Variants in QRICH2 observed in about 807,000 individuals in gnomAD.
The protein encoded by QRICH2 is glutamine rich 2.
A neutral mutation model predicts 168.3 loss-of-function variants in QRICH2; 119 were observed. The ratio of observed to expected loss-of-function variants is 0.71; its 90% confidence interval spans 0.61 to 0.82. The LOEUF is 0.82. QRICH2 is among the 40% of genes least tolerant of loss of function. The probability of loss-of-function intolerance (pLI) is 0.00; values close to 1 mark genes in which losing one functional copy is unlikely to be tolerated. For missense variants in QRICH2, 2,241 were observed against 2,491.6 expected (o/e 0.90, Z 2.14); for synonymous variants, 894 against 951.2 (o/e 0.94, Z 1.11).
chr17:76,298,669 T>A (rs955373053), intron 3 of QRICH2, among the ~76,000 whole-genome samples: 1 of 150,866 alleles, frequency 6.6e-6, no homozygotes, highest in African/African-American at 2.4e-5. Flanking sequence ...AGGCTGGAGT[T>A]CAGTGGCGCG....
intron 7 of QRICH2, among the ~76,000 whole-genome samples, chr17:76,286,915 G>A (rs2070895091): frequency 6.6e-6 from 1 of 151,634 alleles, no homozygotes; most frequent in Admixed American, 6.6e-5. Flanking sequence ...GATCGAATGG[G>A]AGGTAAACAG....
chr17:76,293,479 G>A lies in QRICH2; in HGVS notation c.1248C>T (p.Ser416=), dbSNP rs937883035. 32 of 1,614,212 alleles carry A rather than the reference G, an allele frequency of 2.0e-5. No homozygotes were observed. The highest frequency in any genetic ancestry group is 8.9e-5 in the East Asian group (4 of 44,878). ...STYPHGVVPL[S]MGQLGVPPPE... is the part of the protein sequence containing the mutation. Reference sequence around the variant, plus strand: ...GTGGTGGCACACCAAGCTGACCCATGCTGAGGGGTACCACACCATGTGGGT... The same window carrying A: ...GTGGTGGCACACCAAGCTGACCCATACTGAGGGGTACCACACCATGTGGGT... Residue 416 remains serine, a synonymous_variant, in exon 4 of 19, where the codon AGC becomes AGT. Transcript: ENST00000680821.
chr17:76,294,053 A>C, intron 3 of QRICH2, 32 bp from the exon 4 acceptor site: 1 of 1,558,256 alleles, frequency 6.4e-7, no homozygotes, highest in Non-Finnish European at 8.7e-7. Flanking sequence ...AATCAATAAC[A>C]GTCAAAATAT....
chr17:76,299,890 C>T (rs1415089381), intron 3 of QRICH2, among the ~76,000 whole-genome samples: 8 of 151,182 alleles, frequency 5.3e-5, no homozygotes, highest in African/African-American at 1.9e-4. Flanking sequence ...TGCAGTGATG[C>T]GATCTCGGCT....
chr17:76,282,463 G>T (rs1443398382), intron 7 of QRICH2, among the ~76,000 whole-genome samples: 1 of 152,192 alleles, frequency 6.6e-6, no homozygotes, highest in Non-Finnish European at 1.5e-5. Flanking sequence ...ACACACAGAG[G>T]ACCGTAATGA....
At chr17:76,278,971 G>A in intron 14 of QRICH2, 70 bp downstream of exon 14, 1 of 1,305,508 alleles carries the variant, frequency 7.7e-7, no homozygotes, top group Non-Finnish European at 1.1e-6. Context: ...AGTCATCCCT[G>A]TCCCCTGCCT....
At chr17:76,295,466 C>A (rs8068156) in intron 3 of QRICH2, among the ~76,000 whole-genome samples, 5,054 of 151,926 alleles carry the variant, frequency 0.033, 304 homozygotes, top group African/African-American at 0.12. Context: ...ACCAGCTTGG[C>A]CAACATGGTG....
At chr17:76,301,872 TTGTGTGTGTGTGTGTGTGTGTGTGTG>T (rs139933188) in intron 3 of QRICH2, among the ~76,000 whole-genome samples, 1 of 136,160 alleles carries the variant, frequency 7.3e-6, no homozygotes. Flanking sequence ...CTGGCTAATT[TTGTGTGTGTGTGTGTGTGTGTGTGTG>T]TGTGTGTGTG....
rs2070907554 is a variant in QRICH2 at position 76,287,317 on chromosome 17, C to T, written c.3897-11G>A. 3.8e-6 allele frequency: 6 copies of T among 1,591,238 alleles called. No individual in the cohort carries two copies. Among genetic ancestry groups the T allele is most frequent in the South Asian group, 1.1e-5 (1 of 90,312 alleles). On this transcript the variant is annotated splice_polypyrimidine_tract_variant and intron_variant, in intron 6 of 18. Transcript: ENST00000680821. ...TCAGCCACGGTGACTCTGTGGTGCA[C>T]GATGAGAGACTGCCAGACTCCACAC...
At position 76,291,861 on chromosome 17, in the gene QRICH2, T is replaced by A; in HGVS notation, c.2866A>T (p.Thr956Ser). 3 of 1,613,916 alleles carry A rather than the reference T, an allele frequency of 1.9e-6. No homozygotes were observed. Among genetic ancestry groups the A allele is most frequent in the Non-Finnish European group, 2.5e-6 (3 of 1,179,998 alleles). The change falls in exon 4 of 19, where the codon ACA becomes TCA. Residue 956 changes from threonine to serine, a missense_variant. Thr to Ser is a moderately conservative substitution (Grantham distance 58). Coordinates refer to ENST00000680821, the MANE Select transcript of QRICH2 (RefSeq NM_001388453.1). ...GGCTGCACCAGACCACGTGGATATG[T>A]CCCAGATTGAGATAAATCATGCAAA... The part of the protein sequence containing the change: ...AYLHDLSQSG[T>S]YPRGLVQPGM...
chr17:76,282,122 G>T lies in QRICH2; in HGVS notation c.4012-7C>A. 1 of 1,594,328 alleles carries T rather than the reference G, an allele frequency of 6.3e-7. No individual in the cohort carries two copies. The highest frequency in any genetic ancestry group is 8.6e-7 in the Non-Finnish European group (1 of 1,164,784). ...TCATCCTGAGCTTGTCCAACTGCGT[G>T]CAGGAGAGACGGCAGCAGCAGGGCA... On this transcript the variant is annotated splice_region_variant and splice_polypyrimidine_tract_variant and intron_variant, in intron 7 of 18. Transcript: ENST00000680821.
intron 16 of QRICH2, 105 bp downstream of exon 16, chr17:76,277,058 C>CAATT: frequency 7.9e-7 from 1 of 1,272,510 alleles, no homozygotes; most frequent in Non-Finnish European, 1.1e-6. Context: ...GGAATTGCCT[C>CAATT]AAGGCAGAGG....
chr17:76,284,589 C>CG (rs1568110772), intron 7 of QRICH2, among the ~76,000 whole-genome samples: 1 of 151,508 alleles, frequency 6.6e-6, no homozygotes, highest in African/African-American at 2.4e-5. Context: ...GAGACCGAGG[C>CG]GGGTGGATCA....
intron 1 of QRICH2, among the ~76,000 whole-genome samples, chr17:76,306,421 C>A (rs1378079796): frequency 6.6e-6 from 1 of 152,144 alleles, no homozygotes; most frequent in Non-Finnish European, 1.5e-5. Flanking sequence ...GCCTCCCCAC[C>A]CAGCTGCCTT....
intron 3 of QRICH2, among the ~76,000 whole-genome samples, chr17:76,303,938 G>A (rs1477056859): frequency 6.6e-6 from 1 of 151,288 alleles, no homozygotes; most frequent in Non-Finnish European, 1.5e-5. Context: ...TACTTCCAGG[G>A]TCTGTCACCA....
chr17:76,300,732 G>A (rs181140547), intron 3 of QRICH2, among the ~76,000 whole-genome samples: 1 of 151,922 alleles, frequency 6.6e-6, no homozygotes, highest in Non-Finnish European at 1.5e-5. Flanking sequence ...ACCAGCCTGG[G>A]CAACATGGCA....
Position 76,281,347 on chromosome 17 carries a change from C to T in QRICH2, c.4264-394G>A, listed in dbSNP as rs376760672. On this transcript the variant is annotated intron_variant, in intron 8 of 18. Coordinates refer to ENST00000680821, the MANE Select transcript of QRICH2 (RefSeq NM_001388453.1). This position sits in a 1 kb window ranked among gnomAD's most constrained non-coding sequence, Gnocchi z 4.4. ...GGGGTCATTAGAGGTGATGGAGGCT[C>T]AGGAGTGATGTGCTGTCCCGGGGCA... is the stretch of plus-strand genomic sequence containing the variant. Among the ~76,000 whole-genome samples, 241 of 152,234 alleles carry T rather than the reference C, an allele frequency of 1.6e-3. No homozygotes were observed. The highest frequency in any genetic ancestry group is 4.6e-3 in the South Asian group (22 of 4,824).
chr17:76,276,294 G>C (rs557260514), intron 17 of QRICH2, among the ~76,000 whole-genome samples: 37 of 152,330 alleles, frequency 2.4e-4, no homozygotes, highest in East Asian at 2.1e-3. Flanking sequence ...GCAGGCTTCG[G>C]GCATTGCCAC....
At chr17:76,294,050 AAC>A in intron 3 of QRICH2, 29 bp from the exon 4 acceptor site, 1 of 1,560,598 alleles carries the variant, frequency 6.4e-7, no homozygotes, top group Non-Finnish European at 8.7e-7. Flanking sequence ...GGAAATCAAT[AAC>A]AGTCAAAATA....
Sources: gnomAD v4.1 joint callset for allele counts (sites outside exome capture counted in the v4.1 genomes callset) on GRCh38, gnomAD v4.1.1 for gene constraint, Gnocchi (gnomAD v3.1) non-coding constraint, MANE v1.5 for transcripts, NCBI Gene and HGNC (gene_info 2026-07-23, HGNC 2026-07-21) for gene names.